DPP10: variants seen among roughly 807,000 people sequenced by gnomAD.
DPP10 encodes dipeptidyl peptidase like 10, also known as inactive dipeptidyl peptidase 10.
Under a neutral mutation model 120.9 loss-of-function variants are expected in DPP10, and 33 were observed. The observed-to-expected ratio is 0.27, with a 90% CI of 0.21 to 0.37. The LOEUF (loss-of-function observed/expected upper bound fraction) is 0.37. DPP10 is among the 10% of genes least tolerant of loss of function. The probability of loss-of-function intolerance (pLI) is 1.00; values close to 1 mark genes in which losing one functional copy is unlikely to be tolerated. For synonymous variants in DPP10, 337 were observed against 326.1 expected (o/e 1.03, Z -0.36); for missense variants, 816 against 942.8 (o/e 0.87, Z 1.76).
intron 3 of DPP10, among the ~76,000 whole-genome samples, chr2:115,436,627 A>G (rs897781526): frequency 2.6e-5 from 4 of 151,908 alleles, no homozygotes; most frequent in African/African-American, 9.7e-5. Flanking sequence ...AGGCCCATTT[A>G]GAATCTTGGC....
At chr2:115,226,282 A>G (rs1000559258) in intron 1 of DPP10, among the ~76,000 whole-genome samples, 10 of 152,124 alleles carry the variant, frequency 6.6e-5, no homozygotes, top group Admixed American at 4.6e-4. Context: ...TTAATTACCT[A>G]TAGTTCTAGA....
At chr2:115,023,568 C>T (rs2105192319) in intron 1 of DPP10, among the ~76,000 whole-genome samples, 1 of 152,152 alleles carries the variant, frequency 6.6e-6, no homozygotes, top group Non-Finnish European at 1.5e-5. Context: ...AGTACAACCA[C>T]TAGGGCAAAC....
At chr2:115,823,565 A>G (rs541069116) in intron 21 of DPP10, among the ~76,000 whole-genome samples, 58 of 152,280 alleles carry the variant, frequency 3.8e-4, no homozygotes, top group Non-Finnish European at 5.3e-4. Flanking sequence ...CATTGGTTTC[A>G]TGCTTTATTT....
chr2:115,129,833 G>C (rs532375725), intron 1 of DPP10, among the ~76,000 whole-genome samples: 1 of 152,072 alleles, frequency 6.6e-6, no homozygotes, highest in Non-Finnish European at 1.5e-5. Flanking sequence ...TTCAGAATAC[G>C]CATTTAAACA....
intron 3 of DPP10, among the ~76,000 whole-genome samples, chr2:115,380,159 G>A (rs1369854028): frequency 6.6e-6 from 1 of 152,150 alleles, no homozygotes; most frequent in African/African-American, 2.4e-5. Context: ...GGGTGTTAAA[G>A]TCTCTCATTA....
At chr2:114,453,738 C>T (rs1162558599) in intron 1 of DPP10, among the ~76,000 whole-genome samples, 2 of 152,120 alleles carry the variant, frequency 1.3e-5, no homozygotes, top group Admixed American at 6.5e-5. Context: ...AAAGAAATAC[C>T]TTGATCTTTG....
intron 1 of DPP10, among the ~76,000 whole-genome samples, chr2:114,724,539 C>T (rs537018178): frequency 3.9e-5 from 6 of 152,196 alleles, no homozygotes; most frequent in African/African-American, 1.2e-4. Flanking sequence ...CATACTCAGC[C>T]GGTTTGGGGG....
At chr2:115,454,058 A>G (rs1384518287) in intron 3 of DPP10, among the ~76,000 whole-genome samples, 5 of 151,634 alleles carry the variant, frequency 3.3e-5, no homozygotes, top group South Asian at 2.1e-4. Flanking sequence ...GAATAAAACT[A>G]TAAAATTGAA....
intron 1 of DPP10, among the ~76,000 whole-genome samples, chr2:114,569,424 A>G (rs1289800449): frequency 6.6e-6 from 1 of 151,824 alleles, no homozygotes; most frequent in African/African-American, 2.4e-5. Context: ...CAGCTCCATA[A>G]GAGACGCTCT....
rs769953524 is a variant in DPP10 at position 114,663,244 on chromosome 2, GTA to G, written c.60+220420_60+220421del. On this transcript the variant is annotated intron_variant, in intron 1 of 25. Coordinates refer to ENST00000410059, the MANE Select transcript of DPP10 (RefSeq NM_020868.6). ...TGTGTATATTAAGAGCCTTGTGTGTGTATATATATATATATCTATATATATAT... is the reference window on the plus strand; with the variant it reads ...TGTGTATATTAAGAGCCTTGTGTGTGTATATATATATATCTATATATATAT... Among the ~76,000 whole-genome samples the G allele has an allele frequency of 1.0e-4, 15 of 145,806 alleles. 1 individual carries two copies. The highest frequency in any genetic ancestry group is 3.5e-4 in the Admixed American group (5 of 14,318).
chr2:115,396,329 A>C (rs1167101101), intron 3 of DPP10, among the ~76,000 whole-genome samples: 1 of 152,192 alleles, frequency 6.6e-6, no homozygotes, highest in Non-Finnish European at 1.5e-5. Flanking sequence ...TGAAATCCGT[A>C]AATACTGTCC....
chr2:114,443,492 T>C (rs1050600639), intron 1 of DPP10, among the ~76,000 whole-genome samples: 1 of 152,176 alleles, frequency 6.6e-6, no homozygotes, highest in Non-Finnish European at 1.5e-5. Flanking sequence ...AACTCACAAT[T>C]TCACTCTTCT....
intron 3 of DPP10, among the ~76,000 whole-genome samples, chr2:115,474,876 C>T (rs1298660323): frequency 6.6e-6 from 1 of 152,142 alleles, no homozygotes; most frequent in African/African-American, 2.4e-5. Context: ...CATCCACTCC[C>T]ATAATAGGCT....
At chr2:115,198,606 C>T (rs1332814313) in intron 1 of DPP10, among the ~76,000 whole-genome samples, 1 of 152,160 alleles carries the variant, frequency 6.6e-6, no homozygotes, top group Non-Finnish European at 1.5e-5. Flanking sequence ...GATCAAATTA[C>T]TTCCAGTGAT....
chr2:114,982,000 T>G (rs1355390914), intron 1 of DPP10, among the ~76,000 whole-genome samples: 1 of 151,832 alleles, frequency 6.6e-6, no homozygotes, highest in Non-Finnish European at 1.5e-5. Flanking sequence ...GTTCAAGTGA[T>G]CCTCCCACCT....
chr2:115,341,362 C>A (rs548764072), intron 2 of DPP10, among the ~76,000 whole-genome samples: 2 of 152,114 alleles, frequency 1.3e-5, no homozygotes, highest in South Asian at 4.2e-4. Context: ...CCCCTGACCC[C>A]CCTGTGCCTG....
chr2:115,037,615 G>A (rs181235908), intron 1 of DPP10, among the ~76,000 whole-genome samples: 1 of 152,208 alleles, frequency 6.6e-6, no homozygotes, highest in African/African-American at 2.4e-5. Flanking sequence ...AATAATGCAG[G>A]CACCTGGATT....
At chr2:115,527,302 CAA>C (rs1367947020) in intron 5 of DPP10, among the ~76,000 whole-genome samples, 1 of 151,902 alleles carries the variant, frequency 6.6e-6, no homozygotes, top group East Asian at 1.9e-4. Flanking sequence ...AGTGCCAGAA[CAA>C]TCAGATATCC....
intron 1 of DPP10, among the ~76,000 whole-genome samples, chr2:114,847,207 A>T (rs374671790): frequency 6.6e-6 from 1 of 151,186 alleles, no homozygotes; most frequent in Non-Finnish European, 1.5e-5. Context: ...TTTGCCTGAA[A>T]CTCTGCTCCT....
Sources: allele counts gnomAD v4.1 joint callset (sites outside exome capture counted in the v4.1 genomes callset), GRCh38; gene constraint gnomAD v4.1.1; transcripts MANE v1.5; gene names NCBI Gene and HGNC (gene_info 2026-07-23, HGNC 2026-07-21).